Variants in LRRTM4 observed in about 807,000 individuals in gnomAD.
The protein encoded by LRRTM4 is leucine rich repeat transmembrane neuronal 4.
A neutral mutation model predicts 47.6 loss-of-function variants in LRRTM4; 25 were observed. The observed-to-expected ratio is 0.53, with a 90% CI of 0.38 to 0.73. The LOEUF (loss-of-function observed/expected upper bound fraction) is 0.73, where lower values mean the gene tolerates loss of function less well. Ranked by LOEUF, LRRTM4 falls within the 30% of genes least tolerant of loss-of-function variation. LRRTM4 has a pLI of 0.00. For synonymous variants in LRRTM4, 311 were observed against 269.5 expected, an observed-to-expected ratio of 1.15 and a Z score of -1.51; for missense variants, 638 against 713.4, an observed-to-expected ratio of 0.89 and a Z score of 1.20.
At chr2:77,453,176 A>ATTTTTTTTTTTTTTTTTTTTT (rs1162461607) in intron 3 of LRRTM4, among the ~76,000 whole-genome samples, 16 of 99,528 alleles carry the variant, frequency 1.6e-4, no homozygotes, top group South Asian at 3.6e-4. Context: ...TTTCTTCTTG[A>ATTTTTTTTTTTTTTTTTTTTT]TTTTTTTTTT....
intron 3 of LRRTM4, among the ~76,000 whole-genome samples, chr2:77,470,869 G>A (rs2861078): frequency 0.58 from 87,608 of 151,754 alleles, 25,609 homozygotes; most frequent in East Asian, 0.73. Context: ...GTGGGACTCA[G>A]TTAGTACCAA....
chr2:77,477,171 A>G lies in LRRTM4; in HGVS notation c.1551+41147T>C, dbSNP rs1009346543. Among the ~76,000 whole-genome samples the G allele has an allele frequency of 7.9e-5, 12 of 152,180 alleles. No homozygotes were observed. In the South Asian group the frequency reaches 2.3e-3, roughly 29 times the overall value. On this transcript the variant is annotated intron_variant, in intron 3 of 3. Coordinates refer to ENST00000409884, the MANE Select transcript of LRRTM4 (RefSeq NM_001134745.3). ...AGGCATTCATTAGCATCATGAAGAT[A>G]GAGTGCACACGATCATGATGAAATC...
At chr2:77,028,916 T>A (rs1021105839) in intron 3 of LRRTM4, among the ~76,000 whole-genome samples, 3 of 150,840 alleles carry the variant, frequency 2.0e-5, no homozygotes, top group Admixed American at 6.6e-5. Context: ...GGGCCTGTAG[T>A]CCCAGCTACT....
chr2:77,444,632 C>T (rs182271785), intron 3 of LRRTM4, among the ~76,000 whole-genome samples: 1 of 151,690 alleles, frequency 6.6e-6, no homozygotes, highest in Non-Finnish European at 1.5e-5. Context: ...GAAAAAACAC[C>T]AAGAAAGTAA....
chr2:76,917,859 T>C (rs1674306438), intron 3 of LRRTM4, among the ~76,000 whole-genome samples: 1 of 152,158 alleles, frequency 6.6e-6, no homozygotes, highest in South Asian at 2.1e-4. Flanking sequence ...TTTTCCTCTA[T>C]TTTTCACTCT....
chr2:77,439,259 T>A (rs1246406703), intron 3 of LRRTM4, among the ~76,000 whole-genome samples: 2 of 152,226 alleles, frequency 1.3e-5, no homozygotes, highest in African/African-American at 2.4e-5. Context: ...CTATTTCAAA[T>A]GATTTATAAT....
At chr2:76,773,138 C>T (rs1478521559) in intron 3 of LRRTM4, 1 of 152,224 alleles carries the variant, frequency 6.6e-6, no homozygotes, top group Non-Finnish European at 1.5e-5. Flanking sequence ...ACCTGGGAGA[C>T]ATCTCTTTGA....
intron 3 of LRRTM4, among the ~76,000 whole-genome samples, chr2:76,895,622 G>C (rs1673387766): frequency 6.6e-6 from 1 of 151,970 alleles, no homozygotes; most frequent in Non-Finnish European, 1.5e-5. Context: ...ATCTGTCCAT[G>C]ATCTACCCAT....
intron 3 of LRRTM4, among the ~76,000 whole-genome samples, chr2:77,416,633 G>A (rs977889998): frequency 2.0e-5 from 3 of 151,870 alleles, no homozygotes; most frequent in Non-Finnish European, 4.4e-5. Flanking sequence ...CTCTAACTAA[G>A]GTGTTCATTA....
intron 3 of LRRTM4, among the ~76,000 whole-genome samples, chr2:77,254,340 T>C (rs1357214846): frequency 6.6e-6 from 1 of 151,706 alleles, no homozygotes; most frequent in African/African-American, 2.4e-5. Context: ...ATATCAGCAA[T>C]TCTTGATGGA....
At chr2:77,429,192 G>A (rs1675251040) in intron 3 of LRRTM4, among the ~76,000 whole-genome samples, 1 of 152,104 alleles carries the variant, frequency 6.6e-6, no homozygotes, top group South Asian at 2.1e-4. Flanking sequence ...TCCAATGTGG[G>A]CAAGTGTGAA....
intron 3 of LRRTM4, among the ~76,000 whole-genome samples, chr2:77,259,283 A>G (rs1475383509): frequency 1.3e-5 from 2 of 152,076 alleles, no homozygotes; most frequent in Non-Finnish European, 2.9e-5. Flanking sequence ...CATCTTTTAA[A>G]CACTCATAAA....
intron 3 of LRRTM4, among the ~76,000 whole-genome samples, chr2:76,862,497 T>C (rs1287489759): frequency 6.6e-6 from 1 of 152,198 alleles, no homozygotes; most frequent in African/African-American, 2.4e-5. Context: ...GAAATGGTAT[T>C]GTCTTGAAAA....
chr2:77,422,491 A>C (rs968286362), intron 3 of LRRTM4, among the ~76,000 whole-genome samples: 10 of 152,222 alleles, frequency 6.6e-5, no homozygotes, highest in African/African-American at 2.2e-4. Flanking sequence ...TTCAAGAAGT[A>C]AATTGCAAAG....
chr2:77,272,160 C>T (rs550122775), intron 3 of LRRTM4, among the ~76,000 whole-genome samples: 8 of 152,172 alleles, frequency 5.3e-5, no homozygotes, highest in Middle Eastern at 3.4e-3. Context: ...TTTCTCCATG[C>T]GTCTATCAAC....
chr2:77,069,098 T>C (rs868117872), intron 3 of LRRTM4, among the ~76,000 whole-genome samples: 1 of 152,240 alleles, frequency 6.6e-6, no homozygotes, highest in African/African-American at 2.4e-5. Flanking sequence ...AATAAATACA[T>C]GGGTAAATCT....
intron 3 of LRRTM4, among the ~76,000 whole-genome samples, chr2:76,760,561 T>C (rs952076644): frequency 6.6e-6 from 1 of 151,926 alleles, no homozygotes; most frequent in African/African-American, 2.4e-5. Flanking sequence ...GCTGGCCACA[T>C]ATGTACAATA....
intron 3 of LRRTM4, among the ~76,000 whole-genome samples, chr2:77,220,781 G>A (rs868028661): frequency 6.6e-6 from 1 of 152,204 alleles, no homozygotes; most frequent in African/African-American, 2.4e-5. Flanking sequence ...AAAACACTCT[G>A]CAGGATATTA....
chr2:77,490,830 T>C (rs116078743), intron 3 of LRRTM4, among the ~76,000 whole-genome samples: 1 of 152,180 alleles, frequency 6.6e-6, no homozygotes, highest in Non-Finnish European at 1.5e-5. Context: ...GAACCAATTT[T>C]TCTTTGTTTT....
Sources: gnomAD v4.1 joint callset for allele counts (sites outside exome capture counted in the v4.1 genomes callset) on GRCh38, gnomAD v4.1.1 for gene constraint, MANE v1.5 for transcripts, NCBI Gene and HGNC (gene_info 2026-07-23, HGNC 2026-07-21) for gene names.